ZMIZ1: variants seen among roughly 807,000 people sequenced by gnomAD.
ZMIZ1 encodes the protein zinc finger MIZ-type containing 1, also known as zinc finger MIZ domain-containing protein 1.
ZMIZ1 carries 17 observed loss-of-function variants against 113.9 expected under a neutral mutation model. The observed-to-expected ratio is 0.15, with a 90% CI of 0.10 to 0.22. The LOEUF (loss-of-function observed/expected upper bound fraction) is 0.22, where lower values mean the gene tolerates loss of function less well. ZMIZ1 is among the 10% of genes least tolerant of loss of function. The pLI is 1.00. For missense variants in ZMIZ1, 1,059 were observed against 1,477.8 expected, an observed-to-expected ratio of 0.72 and a Z score of 4.65; for synonymous variants, 607 against 603.1, an observed-to-expected ratio of 1.01 and a Z score of -0.09.
rs987517944 is a variant in ZMIZ1, at chr10:79,258,517, T to C, written c.281-18664T>C. On this transcript the variant is annotated intron_variant, in intron 7 of 24. Transcript: ENST00000334512. ...TGCCTCCTGTTTCGGGCAGCACAAATCAACATTTCCAATACTGCAGAAATT... is the reference window on the plus strand; with the variant it reads ...TGCCTCCTGTTTCGGGCAGCACAAACCAACATTTCCAATACTGCAGAAATT... 4.6e-5 allele frequency among the ~76,000 whole-genome samples: 7 copies of C among 152,216 alleles called. No homozygotes were observed. In the East Asian group the frequency reaches 1.3e-3, roughly 29 times the overall value.
intron 1 of ZMIZ1, among the ~76,000 whole-genome samples, chr10:79,114,708 C>G (rs1262088467): frequency 6.6e-6 from 1 of 152,132 alleles, no homozygotes; most frequent in Non-Finnish European, 1.5e-5. Context: ...CTCTGGGGGG[C>G]CCAGGGGGGC....
chr10:79,095,515 T>C (rs114398679), intron 1 of ZMIZ1, among the ~76,000 whole-genome samples: 94 of 152,314 alleles, frequency 6.2e-4, no homozygotes, highest in African/African-American at 2.2e-3. Flanking sequence ...CATGCGGCCT[T>C]TCCGGGTGTC....
intron 1 of ZMIZ1, among the ~76,000 whole-genome samples, chr10:79,096,969 G>A (rs1396819116): frequency 6.6e-6 from 1 of 152,222 alleles, no homozygotes; most frequent in Non-Finnish European, 1.5e-5. Context: ...GGAAAAGAGA[G>A]CACACAGGCA....
intron 7 of ZMIZ1, among the ~76,000 whole-genome samples, chr10:79,245,060 T>C (rs1052213116): frequency 2.6e-5 from 4 of 152,188 alleles, no homozygotes; most frequent in South Asian, 2.1e-4. Context: ...ATTTTTATCC[T>C]GAACTTCCTT....
intron 4 of ZMIZ1, among the ~76,000 whole-genome samples, chr10:79,196,463 C>T (rs530785821): frequency 1.4e-4 from 21 of 152,288 alleles, no homozygotes; most frequent in Non-Finnish European, 2.2e-4. Context: ...TGAGGCAGAG[C>T]GGGTAGATAG....
chr10:79,255,306 C>T (rs1326227458), intron 7 of ZMIZ1, among the ~76,000 whole-genome samples: 2 of 152,218 alleles, frequency 1.3e-5, no homozygotes, highest in Non-Finnish European at 1.5e-5. Flanking sequence ...TGGGGAAGGC[C>T]GGGCTCTAGC....
At position 79,216,087 on chromosome 10, in the gene ZMIZ1, C is replaced by A. The variant is rs1216855583; in HGVS notation, c.175-82C>A. Reference sequence around the variant, plus strand: ...GGGCACTGCCTTAGCTTGCCCACCTCACCCACTTCACCTGCAAAATGGGCA... The same window carrying A: ...GGGCACTGCCTTAGCTTGCCCACCTAACCCACTTCACCTGCAAAATGGGCA... On this transcript the variant is annotated intron_variant, in intron 6 of 24. Transcript: ENST00000334512. 222 of 1,013,638 alleles carry A rather than the reference C, an allele frequency of 2.2e-4. No individual in the cohort carries two copies. In the African/African-American group the frequency reaches 3.5e-3, roughly 16 times the overall value. 62.8% of individuals were successfully genotyped at this position (1,013,638 alleles called of 1,614,324 possible).
In ZMIZ1 at chr10:79,201,591, A is replaced by G. The variant is rs1848082278; in HGVS notation, c.-42A>G. On this transcript the variant is annotated 5_prime_UTR_variant, in exon 5 of 25. Transcript: ENST00000334512. ...TCTCCTTTCTCTTCGCAGGCTGGAC[A>G]ACGTTCATGGCTCTCGGGTAGAACC... The G allele has an allele frequency of 6.8e-6, 11 of 1,610,268 alleles. No individual in the cohort carries two copies. Among genetic ancestry groups the G allele is most frequent in the East Asian group, 2.2e-5 (1 of 44,768 alleles).
intron 2 of ZMIZ1, among the ~76,000 whole-genome samples, chr10:79,121,773 G>A (rs1217279018): frequency 2.6e-5 from 4 of 152,172 alleles, no homozygotes; most frequent in Non-Finnish European, 5.9e-5. Flanking sequence ...TCCCCGGGAG[G>A]TGATATTTAC....
rs1052247479 is a variant in ZMIZ1, at chr10:79,093,472, G to A, written c.-337+24202G>A. Among the ~76,000 whole-genome samples the A allele has an allele frequency of 1.5e-4, 23 of 152,016 alleles. No homozygotes were observed. The South Asian group carries it at 2.9e-3, about 19-fold the overall frequency. On this transcript the variant is annotated intron_variant, in intron 1 of 24. Coordinates refer to ENST00000334512, the MANE Select transcript of ZMIZ1 (RefSeq NM_020338.4). ...CTCCCGAGTAACTGGGATTACAGGC[G>A]CCTGCCACCATGCCTGGGTAATTTT...
intron 8 of ZMIZ1, among the ~76,000 whole-genome samples, chr10:79,284,424 C>T (rs1291119142): frequency 6.6e-6 from 1 of 152,122 alleles, no homozygotes; most frequent in Non-Finnish European, 1.5e-5. Flanking sequence ...GTCTCAGAGG[C>T]TTGAGAAGCA....
rs529486459 is a variant in ZMIZ1, at chr10:79,188,289, T to G, written c.-49-13295T>G. ...CTGTGCCTCTGGCTGCAGTCATTGC[T>G]TGGATGGGACAGGGGAGGGTCATCT... is the stretch of plus-strand genomic sequence containing the variant. On this transcript the variant is annotated intron_variant, in intron 4 of 24. Transcript: ENST00000334512. Among the ~76,000 whole-genome samples the G allele has an allele frequency of 3.4e-4, 52 of 152,250 alleles. 1 individual carries two copies. Among genetic ancestry groups the G allele is most frequent in the African/African-American group, 1.2e-3 (51 of 41,554 alleles).
chr10:79,246,587 C>T (rs946109158), intron 7 of ZMIZ1, among the ~76,000 whole-genome samples: 3 of 152,098 alleles, frequency 2.0e-5, no homozygotes, highest in Non-Finnish European at 4.4e-5. Context: ...AGAAGGATTT[C>T]GGGACCTTTG....
Position 79,314,801 on chromosome 10 carries a change from C to G in ZMIZ1, c.*2052C>G, listed in dbSNP as rs1404522028. The G allele has an allele frequency of 6.4e-6, 1 of 155,114 alleles. No individual in the cohort carries two copies. Among genetic ancestry groups the G allele is most frequent in the Non-Finnish European group, 1.4e-5 (1 of 70,202 alleles). The allele number at this position is 155,114 out of a possible 1,614,324, so 9.6% of individuals were successfully genotyped here. On this transcript the variant is annotated 3_prime_UTR_variant, in exon 25 of 25. Coordinates refer to ENST00000334512, the MANE Select transcript of ZMIZ1 (RefSeq NM_020338.4). ...GGGCAGCCCGCTATTTAGAGCCATCCCTCAGTCAGCTGGCAGGGACAAGCC... is the reference window on the plus strand; with the variant it reads ...GGGCAGCCCGCTATTTAGAGCCATCGCTCAGTCAGCTGGCAGGGACAAGCC...
intron 7 of ZMIZ1, among the ~76,000 whole-genome samples, chr10:79,217,825 C>T (rs1196534500): frequency 1.3e-5 from 2 of 152,316 alleles, no homozygotes; most frequent in African/African-American, 2.4e-5. Flanking sequence ...ATATTGCTAT[C>T]GTATTGAACT....
chr10:79,146,637 G>A (rs370607276), intron 3 of ZMIZ1, among the ~76,000 whole-genome samples: 1 of 152,240 alleles, frequency 6.6e-6, no homozygotes, highest in South Asian at 2.1e-4. Flanking sequence ...GGGAACGGCT[G>A]GGTGGCCACA....
intron 7 of ZMIZ1, among the ~76,000 whole-genome samples, chr10:79,276,411 C>T (rs1384944290): frequency 1.3e-5 from 2 of 152,186 alleles, no homozygotes; most frequent in Non-Finnish European, 2.9e-5. Flanking sequence ...AAGTTTTCCC[C>T]AGTCCCCAGT....
At chr10:79,202,196 AAAAAAAAAAAAAAAAAAAG>A (rs1359137622) in intron 5 of ZMIZ1, among the ~76,000 whole-genome samples, 1 of 137,314 alleles carries the variant, frequency 7.3e-6, no homozygotes, top group African/African-American at 2.6e-5. Flanking sequence ...TCAGAAAAAA[AAAAAAAAAAAAAAAAAAAG>A]AAAGAAAGAA....
At chr10:79,165,895 G>T (rs1846306003) in intron 4 of ZMIZ1, among the ~76,000 whole-genome samples, 1 of 88,890 alleles carries the variant, frequency 1.1e-5, no homozygotes, top group Non-Finnish European at 2.5e-5. Context: ...GCCTGACTTG[G>T]CACTAGTCAT....
Sources: gnomAD v4.1 joint callset for allele counts (sites outside exome capture counted in the v4.1 genomes callset) on GRCh38, gnomAD v4.1.1 for gene constraint, MANE v1.5 for transcripts, NCBI Gene and HGNC (gene_info 2026-07-23, HGNC 2026-07-21) for gene names.